Variants in HDAC9 observed in about 807,000 individuals in gnomAD.
HDAC9 encodes MEF-2 interacting transcription repressor (MITR) protein.
A neutral mutation model predicts 139.4 loss-of-function variants in HDAC9; 41 were observed. That is an observed-to-expected ratio of 0.29 (90% CI 0.23 to 0.38). The LOEUF (loss-of-function observed/expected upper bound fraction) is 0.38, where lower values mean the gene tolerates loss of function less well. Among genes scored for constraint, HDAC9 ranks in the 10% least tolerant of loss-of-function variants. HDAC9 has a pLI of 1.00. For missense variants in HDAC9, 1,147 were observed against 1,297.0 expected (o/e 0.88, Z 1.78); for synonymous variants, 517 against 476.2 (o/e 1.09, Z -1.12).
chr7:18,135,328 T>G (rs1188687421), intron 1 of HDAC9, among the ~76,000 whole-genome samples: 1 of 150,614 alleles, frequency 6.6e-6, no homozygotes, highest in East Asian at 1.9e-4. Flanking sequence ...ATACTTTAAG[T>G]TTTAGGATAC....
intron 2 of HDAC9, among the ~76,000 whole-genome samples, chr7:18,544,052 G>A (rs912919295): frequency 9.2e-5 from 14 of 152,162 alleles, no homozygotes; most frequent in East Asian, 5.8e-4. Flanking sequence ...TCTTATTTAC[G>A]TAGTAAAATA....
At chr7:18,557,952 A>G (rs183759019) in intron 2 of HDAC9, among the ~76,000 whole-genome samples, 1 of 152,158 alleles carries the variant, frequency 6.6e-6, no homozygotes, top group Admixed American at 6.5e-5. Flanking sequence ...CAATATAGGA[A>G]ACCTAGAATA....
chr7:18,410,232 G>T (rs1163927050), intron 1 of HDAC9, among the ~76,000 whole-genome samples: 1 of 152,158 alleles, frequency 6.6e-6, no homozygotes, highest in Non-Finnish European at 1.5e-5. Flanking sequence ...TCAGGGTGAT[G>T]GAGCAGCAAG....
intron 1 of HDAC9, among the ~76,000 whole-genome samples, chr7:18,445,632 C>A (rs1357541050): frequency 6.6e-6 from 1 of 152,166 alleles, no homozygotes; most frequent in African/African-American, 2.4e-5. Context: ...TTTATCAGTG[C>A]CAGTAATTGC....
intron 10 of HDAC9, 77 bp downstream of exon 10, chr7:18,648,075 C>T (rs1787998175): frequency 8.7e-7 from 1 of 1,143,934 alleles, no homozygotes; most frequent in South Asian, 1.5e-5. Flanking sequence ...GTCTCTTTTA[C>T]TCAAGACCCT....
chr7:18,999,091 G>C lies in HDAC9; in HGVS notation c.*3029G>C, dbSNP rs986090192. On this transcript the variant is annotated 3_prime_UTR_variant, in exon 26 of 26. Coordinates refer to ENST00000686413, the MANE Select transcript of HDAC9 (RefSeq NM_178425.4). ...TTGTAACAAGTTTATAACATCAATA[G>C]TGGAGACAGAAGTCAGCTTTGGAGA... 6.6e-6 allele frequency: 1 copy of C among 152,196 alleles called. No individual in the cohort carries two copies. Among genetic ancestry groups the C allele is most frequent in the African/African-American group, 2.4e-5 (1 of 41,446 alleles). 9.4% of individuals were successfully genotyped at this position (152,196 alleles called of 1,614,324 possible). A position where few individuals can be genotyped will look rare whatever the true frequency, so the allele number is the denominator to read the frequency against.
intron 6 of HDAC9, among the ~76,000 whole-genome samples, chr7:18,609,152 A>C (rs1007334286): frequency 6.6e-6 from 1 of 152,166 alleles, no homozygotes; most frequent in Non-Finnish European, 1.5e-5. Context: ...GTAGCTGTAC[A>C]TATGTGGTTC....
At chr7:18,784,016 A>G (rs1791475384) in intron 16 of HDAC9, among the ~76,000 whole-genome samples, 2 of 152,094 alleles carry the variant, frequency 1.3e-5, no homozygotes, top group Admixed American at 1.3e-4. Flanking sequence ...CAGTTACCTG[A>G]CATTATGTCT....
intron 22 of HDAC9, among the ~76,000 whole-genome samples, chr7:18,882,750 A>G (rs763587415): frequency 3.3e-5 from 5 of 152,068 alleles, no homozygotes; most frequent in Non-Finnish European, 7.4e-5. Flanking sequence ...TATTGTTCAT[A>G]TCATTTCAAC....
rs781698172 is a variant in HDAC9 at position 18,585,417 on chromosome 7, C to A, written c.159C>A (p.Ile53=). The A allele has an allele frequency of 6.2e-7, 1 of 1,613,918 alleles. No homozygotes were observed. The highest frequency in any genetic ancestry group is 8.5e-7 in the Non-Finnish European group (1 of 1,179,880). ...AATTGCAGCAGGAATTACTTCTTAT[C>A]CAGCAGCAGCAACAAATCCAGAAGC... ...EKQLQQELLL[I]QQQQQIQKQL... Residue 53 remains isoleucine, a synonymous_variant, in exon 3 of 26, where the codon ATC becomes ATA. Coordinates refer to ENST00000686413, the MANE Select transcript of HDAC9 (RefSeq NM_178425.4).
chr7:18,658,169 C>T (rs1259278048), intron 11 of HDAC9, among the ~76,000 whole-genome samples: 3 of 152,120 alleles, frequency 2.0e-5, no homozygotes, highest in African/African-American at 4.8e-5. Flanking sequence ...CTCCCTATCA[C>T]TTCGAGTTTC....
intron 12 of HDAC9, among the ~76,000 whole-genome samples, chr7:18,725,928 G>A (rs1443286875): frequency 6.6e-6 from 1 of 152,124 alleles, no homozygotes; most frequent in Non-Finnish European, 1.5e-5. Context: ...AATCATCGAA[G>A]CGAATGCCCA....
At chr7:18,242,898 CAGAA>C (rs1794278202) in intron 2 of HDAC9, among the ~76,000 whole-genome samples, 1 of 152,134 alleles carries the variant, frequency 6.6e-6, no homozygotes, top group Non-Finnish European at 1.5e-5. Flanking sequence ...CATTTGTTGA[CAGAA>C]AGAGACCTTC....
At chr7:18,747,582 T>A (rs1562909153) in intron 13 of HDAC9, among the ~76,000 whole-genome samples, 2 of 152,192 alleles carry the variant, frequency 1.3e-5, no homozygotes, top group Non-Finnish European at 2.9e-5. Context: ...ATGAAAACCA[T>A]GAGACAACTA....
At chr7:18,172,257 C>G (rs995215237) in intron 2 of HDAC9, among the ~76,000 whole-genome samples, 3 of 152,240 alleles carry the variant, frequency 2.0e-5, no homozygotes, top group African/African-American at 4.8e-5. Context: ...ATTCTATTCT[C>G]TGATGGTAGT....
intron 2 of HDAC9, among the ~76,000 whole-genome samples, chr7:18,557,864 T>C (rs1819355747): frequency 6.6e-6 from 1 of 151,962 alleles, no homozygotes; most frequent in Non-Finnish European, 1.5e-5. Flanking sequence ...CAGCATGTAC[T>C]AACATATATT....
At chr7:18,487,794 G>C (rs1358298405) in intron 1 of HDAC9, among the ~76,000 whole-genome samples, 2 of 151,996 alleles carry the variant, frequency 1.3e-5, no homozygotes, top group Non-Finnish European at 2.9e-5. Flanking sequence ...ATTTAAATTG[G>C]TTATAGATCA....
At chr7:18,542,512 A>G (rs934969375) in intron 2 of HDAC9, among the ~76,000 whole-genome samples, 2 of 152,268 alleles carry the variant, frequency 1.3e-5, no homozygotes, top group African/African-American at 4.8e-5. Flanking sequence ...CAGTACAGGA[A>G]AATTCTAAGA....
intron 6 of HDAC9, among the ~76,000 whole-genome samples, chr7:18,594,433 T>C (rs1438767052): frequency 6.6e-6 from 1 of 152,102 alleles, no homozygotes; most frequent in Non-Finnish European, 1.5e-5. Flanking sequence ...AAAGTTTAAT[T>C]TTTCCAATAA....
Sources: gnomAD v4.1 joint callset for allele counts (sites outside exome capture counted in the v4.1 genomes callset) on GRCh38, gnomAD v4.1.1 for gene constraint, MANE v1.5 for transcripts, NCBI Gene and HGNC (gene_info 2026-07-23, HGNC 2026-07-21) for gene names.